STAB2: variants seen among roughly 807,000 people sequenced by gnomAD.
STAB2 encodes stabilin-2.
STAB2 carries 288 observed loss-of-function variants against 338.1 expected under a neutral mutation model. The observed-to-expected ratio is 0.85, with a 90% CI of 0.77 to 0.94. The LOEUF is 0.94. Among genes scored for constraint, STAB2 ranks in the 40% least tolerant of loss-of-function variants. The pLI is 0.00. For missense variants in STAB2, 3,141 were observed against 3,210.1 expected, an observed-to-expected ratio of 0.98 and a Z score of 0.52; for synonymous variants, 1,202 against 1,193.3, an observed-to-expected ratio of 1.01 and a Z score of -0.15.
intron 3 of STAB2, among the ~76,000 whole-genome samples, chr12:103,608,689 A>C (rs547356752): frequency 6.6e-6 from 1 of 152,210 alleles, no homozygotes; most frequent in East Asian, 1.9e-4. Flanking sequence ...TCTTTAGTTT[A>C]ATTAGATCCC....
intron 53 of STAB2, 38 bp from the exon 54 acceptor site, chr12:103,739,374 A>G: frequency 6.5e-7 from 1 of 1,537,488 alleles, no homozygotes; most frequent in South Asian, 1.3e-5. Context: ...GTTTTCTGAT[A>G]TTCTTGGTTT....
chr12:103,608,343 C>T (rs1300983334), intron 3 of STAB2, among the ~76,000 whole-genome samples: 10 of 152,266 alleles, frequency 6.6e-5, no homozygotes, highest in South Asian at 4.1e-4. Context: ...AGGGTTTCAC[C>T]GTGTTAGCCA....
At chr12:103,762,201 G>T in intron 66 of STAB2, 73 bp from the exon 67 acceptor site, 1 of 1,585,636 alleles carries the variant, frequency 6.3e-7, no homozygotes, top group Non-Finnish European at 8.6e-7. Context: ...AGAATGCCTC[G>T]GGCCACCAAG....
At chr12:103,667,448 G>A (rs1875222416) in intron 19 of STAB2, among the ~76,000 whole-genome samples, 3 of 152,202 alleles carry the variant, frequency 2.0e-5, no homozygotes, top group South Asian at 2.1e-4. Context: ...AAACCACCTT[G>A]TACAAGGTCA....
intron 44 of STAB2, 50 bp downstream of exon 44, chr12:103,717,891 G>A: frequency 6.3e-7 from 1 of 1,598,908 alleles, no homozygotes; most frequent in Non-Finnish European, 8.6e-7. Context: ...AGCCCAGGGT[G>A]CCTCCCACCC....
chr12:103,601,191 A>C (rs951424296), intron 3 of STAB2, among the ~76,000 whole-genome samples: 1 of 152,132 alleles, frequency 6.6e-6, no homozygotes, highest in Non-Finnish European at 1.5e-5. Flanking sequence ...GAGATAGTGC[A>C]CGTAATGTGC....
At chr12:103,635,783 G>A (rs187721523) in intron 6 of STAB2, among the ~76,000 whole-genome samples, 3 of 152,288 alleles carry the variant, frequency 2.0e-5, no homozygotes, top group Non-Finnish European at 2.9e-5. Flanking sequence ...AGCGCCCACT[G>A]GCTAACAGAT....
At chr12:103,683,437 G>C in intron 26 of STAB2, 137 bp downstream of exon 26, 2 of 638,012 alleles carry the variant, frequency 3.1e-6, no homozygotes, top group Non-Finnish European at 2.5e-6. Context: ...AGCAGAATGC[G>C]AGTAGTTATT....
intron 44 of STAB2, among the ~76,000 whole-genome samples, chr12:103,723,671 G>A (rs1245314195): frequency 6.6e-6 from 1 of 152,214 alleles, no homozygotes; most frequent in East Asian, 1.9e-4. Context: ...GGCAGACCCA[G>A]AGAAGTTAGA....
At chr12:103,755,169 A>G in intron 61 of STAB2, 133 bp from the exon 62 acceptor site, 1 of 1,234,242 alleles carries the variant, frequency 8.1e-7, no homozygotes, top group Non-Finnish European at 1.1e-6. Context: ...ACTGTGTGCC[A>G]GGCACAGAGG....
intron 10 of STAB2, among the ~76,000 whole-genome samples, chr12:103,650,248 C>A (rs777711810): frequency 1.3e-5 from 2 of 151,734 alleles, no homozygotes; most frequent in Non-Finnish European, 2.9e-5. Context: ...GCCAGGGTAT[C>A]TTTGAAGCTG....
chr12:103,748,941 CCTCT>C lies in STAB2; in HGVS notation c.6245-18_6245-15del, dbSNP rs1433312263. The C allele has an allele frequency of 6.9e-6, 11 of 1,603,262 alleles. No homozygotes were observed. Among genetic ancestry groups the C allele is most frequent in the Non-Finnish European group, 9.4e-6 (11 of 1,173,348 alleles). ...TTCCACAGAAGGTGGTAAGTTGAGCCCTCTCTCCTCTGCTCTTGCAGTTGTGGAT... is the reference window on the plus strand; with the variant it reads ...TTCCACAGAAGGTGGTAAGTTGAGCCCTCCTCTGCTCTTGCAGTTGTGGAT... On this transcript the variant is annotated intron_variant, in intron 58 of 68. Coordinates refer to ENST00000388887, the MANE Select transcript of STAB2 (RefSeq NM_017564.10).
chr12:103,696,120 A>G (rs1878384322), intron 33 of STAB2, among the ~76,000 whole-genome samples: 1 of 152,112 alleles, frequency 6.6e-6, no homozygotes. Flanking sequence ...GTGTATATGT[A>G]AATATGAACA....
intron 34 of STAB2, 80 bp downstream of exon 34, chr12:103,699,307 TC>T (rs1467212397): frequency 1.3e-6 from 2 of 1,501,642 alleles, no homozygotes; most frequent in Non-Finnish European, 9.0e-7. Flanking sequence ...GTGTCTTGGC[TC>T]CTGTCATCCT....
rs760614760 is a variant in STAB2, at chr12:103,708,556, T to C, written c.4288+20T>C. 2 of 1,610,426 alleles carry C rather than the reference T, an allele frequency of 1.2e-6. No individual in the cohort carries two copies. The highest frequency in any genetic ancestry group is 1.7e-6 in the Non-Finnish European group (2 of 1,176,632). On this transcript the variant is annotated intron_variant, in intron 39 of 68. Coordinates refer to ENST00000388887, the MANE Select transcript of STAB2 (RefSeq NM_017564.10). ...ACAATGGTAAGAGTGAGGCCTCCAG[T>C]ATTTATAATCTGCTCTAAGCTTTGC...
chr12:103,687,771 G>T (rs748276988), intron 27 of STAB2, among the ~76,000 whole-genome samples: 7 of 152,144 alleles, frequency 4.6e-5, no homozygotes, highest in South Asian at 4.1e-4. Context: ...TGCTTCCATT[G>T]TTCTGAGCCA....
chr12:103,652,500 G>A (rs1873817505), intron 11 of STAB2, 56 bp from the exon 12 acceptor site: 1 of 1,487,048 alleles, frequency 6.7e-7, no homozygotes. Context: ...CACAGCATGT[G>A]TTACAAAACT....
At chr12:103,723,111 C>T (rs967257703) in intron 44 of STAB2, among the ~76,000 whole-genome samples, 1 of 152,122 alleles carries the variant, frequency 6.6e-6, no homozygotes, top group Non-Finnish European at 1.5e-5. Flanking sequence ...CTCCATGAGG[C>T]ACAAGTGGGG....
intron 49 of STAB2, 54 bp downstream of exon 49, chr12:103,730,310 T>G (rs1881535857): frequency 1.9e-6 from 3 of 1,567,564 alleles, no homozygotes; most frequent in Non-Finnish European, 2.6e-6. Context: ...TACATTATCA[T>G]CTCTATTCTG....
Sources: gnomAD v4.1 joint callset for allele counts (sites outside exome capture counted in the v4.1 genomes callset) on GRCh38, gnomAD v4.1.1 for gene constraint, MANE v1.5 for transcripts, NCBI Gene and HGNC (gene_info 2026-07-23, HGNC 2026-07-21) for gene names.